GALNT17: variants seen among roughly 807,000 people sequenced by gnomAD.
The protein encoded by GALNT17 is UDP-GalNAc:polypeptide N-acetylgalactosaminyltransferase-like 3.
Under a neutral mutation model 63.7 loss-of-function variants are expected in GALNT17, and 29 were observed. That is an observed-to-expected ratio of 0.46 (90% CI 0.34 to 0.62). The LOEUF (loss-of-function observed/expected upper bound fraction) is 0.62, where lower values mean the gene tolerates loss of function less well. Among genes scored for constraint, GALNT17 ranks in the 20% least tolerant of loss-of-function variants. GALNT17 has a pLI of 0.01. For synonymous variants in GALNT17, 305 were observed against 318.3 expected, an observed-to-expected ratio of 0.96 and a Z score of 0.45; for missense variants, 603 against 799.6, an observed-to-expected ratio of 0.75 and a Z score of 2.97.
chr7:71,211,744 A>C (rs896346155), intron 1 of GALNT17, among the ~76,000 whole-genome samples: 12 of 152,270 alleles, frequency 7.9e-5, no homozygotes, highest in African/African-American at 2.9e-4. Flanking sequence ...ACTGGAGTAA[A>C]GGTGATTCTT....
intron 5 of GALNT17, among the ~76,000 whole-genome samples, chr7:71,494,708 A>G (rs575679689): frequency 1.1e-3 from 163 of 152,048 alleles, no homozygotes; most frequent in Admixed American, 1.4e-3. Context: ...CTGTTCTCAT[A>G]CTGCTAATAA....
chr7:71,467,776 A>G (rs1307035998), intron 5 of GALNT17, among the ~76,000 whole-genome samples: 1 of 148,844 alleles, frequency 6.7e-6, no homozygotes, highest in Non-Finnish European at 1.5e-5. Context: ...AAAAAAAACA[A>G]ACAAAAAAAC....
At chr7:71,259,626 G>GTTTT (rs1230386882) in intron 1 of GALNT17, among the ~76,000 whole-genome samples, 3 of 137,100 alleles carry the variant, frequency 2.2e-5, no homozygotes, top group African/African-American at 8.7e-5. Flanking sequence ...TCTTGGTCCT[G>GTTTT]TTTTGTTTTT....
chr7:71,212,902 C>T (rs1171612064), intron 1 of GALNT17, among the ~76,000 whole-genome samples: 1 of 152,110 alleles, frequency 6.6e-6, no homozygotes, highest in African/African-American at 2.4e-5. Flanking sequence ...TTTATAGGCT[C>T]ATAGGAGGAA....
rs763387719 is a variant in GALNT17 at position 71,369,811 on chromosome 7, CAAAAAAAAAAAAA to C, written c.423-18410_423-18398del. Reference sequence around the variant, plus strand: ...TGGGTGACATAGTGAGGCTTTTTGTCAAAAAAAAAAAAAAAAAAAAAAAAAAGAACAAAAACTA... The same window carrying C: ...TGGGTGACATAGTGAGGCTTTTTGTCAAAAAAAAAAAAAGAACAAAAACTA... On this transcript the variant is annotated intron_variant, in intron 2 of 10. Transcript: ENST00000333538. 2.9e-4 allele frequency among the ~76,000 whole-genome samples: 21 copies of C among 72,156 alleles called. No individual in the cohort carries two copies. The South Asian group carries it at 0.011, about 39-fold the overall frequency. The allele number at this position is 72,156 out of a possible 152,430, so 47.3% of individuals were successfully genotyped here. A position where few individuals can be genotyped will look rare whatever the true frequency, so the allele number is the denominator to read the frequency against.
chr7:71,572,565 A>G (rs912101791), intron 6 of GALNT17, among the ~76,000 whole-genome samples: 1 of 149,614 alleles, frequency 6.7e-6, no homozygotes, highest in African/African-American at 2.5e-5. Context: ...ATGTTTGGAT[A>G]TACATATACA....
At chr7:71,589,215 G>A (rs1366384995) in intron 6 of GALNT17, among the ~76,000 whole-genome samples, 4 of 152,142 alleles carry the variant, frequency 2.6e-5, no homozygotes, top group Admixed American at 2.6e-4. Flanking sequence ...AAGGCAAGCT[G>A]GCAGGTACCA....
intron 6 of GALNT17, among the ~76,000 whole-genome samples, chr7:71,591,160 G>A (rs543783113): frequency 3.3e-5 from 5 of 152,252 alleles, no homozygotes; most frequent in South Asian, 4.1e-4. Context: ...GGGTTCAAGC[G>A]ATTCTCCTGC....
chr7:71,592,331 C>T (rs986296576), intron 6 of GALNT17, among the ~76,000 whole-genome samples: 28 of 151,936 alleles, frequency 1.8e-4, no homozygotes, highest in Non-Finnish European at 3.2e-4. Context: ...TGCAGCATGA[C>T]GCTTAGGTGG....
At chr7:71,643,280 C>T (rs1294325117) in intron 6 of GALNT17, among the ~76,000 whole-genome samples, 2 of 152,174 alleles carry the variant, frequency 1.3e-5, no homozygotes, top group East Asian at 3.9e-4. Flanking sequence ...CCAGCCTGGC[C>T]AACATGGGGA....
chr7:71,305,485 T>C (rs1001048355), intron 1 of GALNT17, among the ~76,000 whole-genome samples: 2 of 152,174 alleles, frequency 1.3e-5, no homozygotes, highest in African/African-American at 4.8e-5. Context: ...AAATTCAGAG[T>C]AGTGAAATTG....
intron 5 of GALNT17, among the ~76,000 whole-genome samples, chr7:71,562,128 T>TA (rs1554309149): frequency 6.6e-6 from 1 of 152,024 alleles, no homozygotes; most frequent in Non-Finnish European, 1.5e-5. Flanking sequence ...GTTATTTTTT[T>TA]AAAAAATTAT....
chr7:71,201,734 C>T (rs747643984), intron 1 of GALNT17, among the ~76,000 whole-genome samples: 3 of 151,778 alleles, frequency 2.0e-5, no homozygotes, highest in Non-Finnish European at 4.4e-5. Flanking sequence ...CGGGTTCAAG[C>T]AATTCGCCTC....
At chr7:71,153,972 T>G (rs2116224855) in intron 1 of GALNT17, among the ~76,000 whole-genome samples, 1 of 152,070 alleles carries the variant, frequency 6.6e-6, no homozygotes, top group Admixed American at 6.6e-5. Flanking sequence ...TATCTGCAAA[T>G]TTGACACTTT....
At chr7:71,607,644 T>C (rs1790065930) in intron 6 of GALNT17, among the ~76,000 whole-genome samples, 1 of 151,984 alleles carries the variant, frequency 6.6e-6, no homozygotes, top group Admixed American at 6.6e-5. Context: ...ACTCAAGAAA[T>C]ACTGCTGAAG....
intron 7 of GALNT17, among the ~76,000 whole-genome samples, chr7:71,668,157 G>A (rs946286371): frequency 6.6e-6 from 1 of 151,980 alleles, no homozygotes; most frequent in African/African-American, 2.4e-5. Flanking sequence ...CAAGTCTTTT[G>A]ACTGTAGCCA....
At chr7:71,331,582 G>A (rs111248831) in intron 1 of GALNT17, among the ~76,000 whole-genome samples, 91 of 152,110 alleles carry the variant, frequency 6.0e-4, no homozygotes, top group Middle Eastern at 3.4e-3. Context: ...TTAGTGTCAC[G>A]CACCTGTAAT....
At chr7:71,286,293 T>C (rs73356011) in intron 1 of GALNT17, among the ~76,000 whole-genome samples, 10,001 of 152,228 alleles carry the variant, frequency 0.066, 1,145 homozygotes, top group African/African-American at 0.23. Context: ...ATTTACTAAA[T>C]CCCCCTGGAG....
chr7:71,525,634 T>TAATC (rs1426856202), intron 5 of GALNT17, among the ~76,000 whole-genome samples: 1 of 151,754 alleles, frequency 6.6e-6, no homozygotes, highest in African/African-American at 2.4e-5. Flanking sequence ...CCTTCTGTCA[T>TAATC]AATCATGAGG....
Sources: allele counts gnomAD v4.1 joint callset (sites outside exome capture counted in the v4.1 genomes callset), GRCh38; gene constraint gnomAD v4.1.1; transcripts MANE v1.5; gene names NCBI Gene and HGNC (gene_info 2026-07-23, HGNC 2026-07-21).